The following UBR4 variants were observed in gnomAD, a reference collection of about 807,000 sequenced individuals.
UBR4 encodes the protein E3 ubiquitin-protein ligase UBR4.
UBR4 carries 124 observed loss-of-function variants against 575.6 expected under a neutral mutation model. That is an observed-to-expected ratio of 0.22 (90% CI 0.19 to 0.25). The LOEUF is 0.25. UBR4 is among the 10% of genes least tolerant of loss of function. UBR4 has a pLI of 1.00. For synonymous variants in UBR4, 2,455 were observed against 2,473.7 expected, an observed-to-expected ratio of 0.99 and a Z score of 0.22; for missense variants, 4,818 against 6,478.8, an observed-to-expected ratio of 0.74 and a Z score of 8.80.
At chr1:19,098,746 T>C (rs960718904) in intron 90 of UBR4, among the ~76,000 whole-genome samples, 1 of 152,128 alleles carries the variant, frequency 6.6e-6, no homozygotes, top group Non-Finnish European at 1.5e-5. Context: ...AAATTGAAGA[T>C]CAAAATCTAC....
At position 19,198,545 on chromosome 1, in the gene UBR4, G is replaced by C; in HGVS notation, c.644C>G (p.Thr215Ser). Residue 215 changes from threonine (T) to serine (S), a missense_variant, in exon 5 of 106, where the codon ACT (threonine) becomes AGT (serine). By Grantham distance (58) the Thr-to-Ser change is moderately conservative. Coordinates refer to ENST00000375254, the MANE Select transcript of UBR4 (RefSeq NM_020765.3). ...CATTTGACTAAAGAAACTCACCAGA[G>C]TCTGTGTACTGATAGGTTGTGATGC... ...TVASQPISTQ[T>S]LVEGENDEQS... 6.2e-7 allele frequency: 1 copy of C among 1,613,724 alleles called. No homozygotes were observed. The highest frequency in any genetic ancestry group is 8.5e-7 in the Non-Finnish European group (1 of 1,179,784).
chr1:19,165,818 T>A (rs929765535), intron 29 of UBR4, 61 bp from the exon 30 acceptor site: 7 of 1,393,330 alleles, frequency 5.0e-6, no homozygotes, highest in Non-Finnish European at 3.9e-6. Flanking sequence ...GTCCTCCTTA[T>A]GGTGATTTAT....
chr1:19,145,241 C>T (rs934983986), intron 53 of UBR4, among the ~76,000 whole-genome samples: 3 of 152,154 alleles, frequency 2.0e-5, no homozygotes, highest in Admixed American at 2.0e-4. Flanking sequence ...TAATATCCCC[C>T]AACCTCAGGT....
chr1:19,155,722 CA>C, intron 42 of UBR4, 54 bp from the exon 43 acceptor site: 1 of 1,485,202 alleles, frequency 6.7e-7, no homozygotes, highest in Non-Finnish European at 9.4e-7. Flanking sequence ...TCCCATCCCC[CA>C]AATATCTTAG....
intron 55 of UBR4, 31 bp from the exon 56 acceptor site, chr1:19,141,808 G>A (rs1244624421): frequency 6.2e-7 from 1 of 1,610,550 alleles, no homozygotes; most frequent in Non-Finnish European, 8.5e-7. Flanking sequence ...TCACCTGAAG[G>A]TGCTTGCTTT....
intron 73 of UBR4, 121 bp from the exon 74 acceptor site, chr1:19,115,758 G>C (rs1477285673): frequency 6.9e-7 from 1 of 1,453,704 alleles, no homozygotes; most frequent in Non-Finnish European, 9.2e-7. Context: ...TTACTCTAAG[G>C]AAAAGAAATC....
chr1:19,129,103 A>C (rs1284445228), intron 60 of UBR4, 29 bp from the exon 61 acceptor site: 1 of 1,596,042 alleles, frequency 6.3e-7, no homozygotes, highest in African/African-American at 1.3e-5. Context: ...GATAGAAAAT[A>C]TGAGCTGTAC....
In UBR4 at chr1:19,183,865, G is replaced by T; in HGVS notation, c.2130C>A (p.Leu710=). 6.2e-7 allele frequency: 1 copy of T among 1,614,156 alleles called. No individual in the cohort carries two copies. Among genetic ancestry groups the T allele is most frequent in the South Asian group, 1.1e-5 (1 of 91,054 alleles). The part of the protein sequence containing the change: ...GSSDEEFAAA[L]YHFNHSLVTS... Reference sequence around the variant, plus strand: ...TTACCAGTGAGTGGTTGAAGTGATAGAGAGCTGCAGCAAACTCTTCATCTG... The same window carrying T: ...TTACCAGTGAGTGGTTGAAGTGATATAGAGCTGCAGCAAACTCTTCATCTG... Residue 710 remains leucine (L), a synonymous_variant, in exon 17 of 106, where the codon CTC becomes CTA. Transcript: ENST00000375254.
Position 19,074,807 on chromosome 1 carries a change from C to T in UBR4, c.*25G>A, listed in dbSNP as rs987776337. The T allele has an allele frequency of 1.5e-5, 24 of 1,613,196 alleles. No homozygotes were observed. Among genetic ancestry groups the T allele is most frequent in the South Asian group, 8.8e-5 (8 of 90,822 alleles). On this transcript the variant is annotated 3_prime_UTR_variant, in exon 106 of 106. Coordinates refer to ENST00000375254, the MANE Select transcript of UBR4 (RefSeq NM_020765.3). ...GTGGAAGGCAAGCCAGCTTCGTCTT[C>T]GCCGCCGCAGCTGCTGTGTGGTGGT...
intron 1 of UBR4, among the ~76,000 whole-genome samples, chr1:19,206,610 AC>A (rs2093025456): frequency 6.6e-6 from 1 of 152,160 alleles, no homozygotes; most frequent in Admixed American, 6.5e-5. Context: ...TGCTGAGATT[AC>A]AGGCGTGAGC....
rs745682072 is a variant in UBR4 at position 19,077,871 on chromosome 1, C to T, written c.15324+105G>A. The stretch of plus-strand genomic sequence containing the variant: ...TTCTAGGAAAAAAGCGCCCCCAGGC[C>T]CAGCGGAGGAGCAGCCATGTGGGTG... On this transcript the variant is annotated intron_variant, in intron 104 of 105. Transcript: ENST00000375254. 5 of 1,593,594 alleles carry T rather than the reference C, an allele frequency of 3.1e-6. No homozygotes were observed. In the East Asian group the frequency reaches 1.1e-4, roughly 36 times the overall value.
In UBR4 at chr1:19,192,551, T is replaced by A. The variant is rs1446883991; in HGVS notation, c.1144-11A>T. ...GTCATAGATTTCGAGCTGTACAATA[T>A]CAAACAGACACAAAAATCTGAACAA... On this transcript the variant is annotated splice_polypyrimidine_tract_variant and intron_variant, in intron 9 of 105. Coordinates refer to ENST00000375254, the MANE Select transcript of UBR4 (RefSeq NM_020765.3). 1 of 1,613,970 alleles carries A rather than the reference T, an allele frequency of 6.2e-7. No homozygotes were observed. The highest frequency in any genetic ancestry group is 2.2e-5 in the East Asian group (1 of 44,860).
chr1:19,112,404 T>C (rs1469161309), intron 78 of UBR4, 120 bp downstream of exon 78: 3 of 1,177,690 alleles, frequency 2.5e-6, no homozygotes, highest in African/African-American at 3.1e-5. Context: ...TCCTTTGTTA[T>C]AAGCTACCTA....
chr1:19,135,375 G>A (rs1019752268), intron 60 of UBR4, among the ~76,000 whole-genome samples: 2 of 152,170 alleles, frequency 1.3e-5, no homozygotes, highest in South Asian at 4.1e-4. Context: ...CTTCAATACT[G>A]CCTTGGCTAA....
Position 19,201,770 on chromosome 1 carries a change from G to A in UBR4, c.222C>T (p.Tyr74=). 6.2e-7 allele frequency: 1 copy of A among 1,614,116 alleles called. No homozygotes were observed. Among genetic ancestry groups the A allele is most frequent in the Non-Finnish European group, 8.5e-7 (1 of 1,179,994 alleles). The change falls in exon 2 of 106, where the codon TAC becomes TAT. Residue 74 remains tyrosine, a synonymous_variant. Coordinates refer to ENST00000375254, the MANE Select transcript of UBR4 (RefSeq NM_020765.3). ...LHHEKQYEPF[Y]SSFVALSTHY... is the part of the protein sequence containing the mutation. ...GTGTGGAAAGTGCAACAAAAGATGA[G>A]TAGAATGGCTCGTACTGCTTCTCAT...
chr1:19,204,564 T>A (rs2092913352), intron 1 of UBR4, among the ~76,000 whole-genome samples: 1 of 151,514 alleles, frequency 6.6e-6, no homozygotes, highest in African/African-American at 2.4e-5. Flanking sequence ...GTAAACTCAT[T>A]TAATTGCCTG....
chr1:19,145,742 G>C (rs1208051348), intron 53 of UBR4, 51 bp downstream of exon 53: 1 of 1,594,422 alleles, frequency 6.3e-7, no homozygotes, highest in South Asian at 1.1e-5. Context: ...TTCAAAGACA[G>C]AACTTACATC....
rs774544890 is a variant in UBR4 at position 19,153,937 on chromosome 1, G to C, written c.6461C>G (p.Ser2154Cys). Residue 2154 changes from serine (S) to cysteine (C), a missense_variant and splice_region_variant, in exon 45 of 106, where the codon TCC becomes TGC. Coordinates refer to ENST00000375254, the MANE Select transcript of UBR4 (RefSeq NM_020765.3). The surrounding 1 kb of genome is among the most constrained non-coding windows in gnomAD (Gnocchi z 4.1). ...AGGAGAAGTCTTACTGCCACCATTGGAACTGCAGACAACAAAACTGGCCAC... is the reference window on the plus strand; with the variant it reads ...AGGAGAAGTCTTACTGCCACCATTGCAACTGCAGACAACAAAACTGGCCAC... ...LQLFPINIKS[S>C]NGGSKTSPAL... 8 of 1,612,856 alleles carry C rather than the reference G, an allele frequency of 5.0e-6. No individual in the cohort carries two copies. The highest frequency in any genetic ancestry group is 1.7e-4 in the Middle Eastern group (1 of 6,054).
intron 7 of UBR4, 79 bp downstream of exon 7, chr1:19,197,591 C>T (rs1571767071): frequency 1.9e-6 from 3 of 1,559,680 alleles, no homozygotes; most frequent in Non-Finnish European, 2.6e-6. Context: ...TGCACCCCTG[C>T]ACTCCAGCCT....
Sources: allele counts gnomAD v4.1 joint callset (sites outside exome capture counted in the v4.1 genomes callset), GRCh38; gene constraint gnomAD v4.1.1; non-coding constraint Gnocchi (gnomAD v3.1); transcripts MANE v1.5; gene names NCBI Gene and HGNC (gene_info 2026-07-23, HGNC 2026-07-21).